The following DPYD variants were observed in gnomAD, a reference collection of about 807,000 sequenced individuals.
The protein encoded by DPYD is dihydropyrimidine dehydrogenase [NADP(+)].
A neutral mutation model predicts 116.2 loss-of-function variants in DPYD; 109 were observed. The ratio of observed to expected loss-of-function variants is 0.94; its 90% CI spans 0.80 to 1.10. DPYD has a LOEUF of 1.10. Ranked by LOEUF, DPYD falls within the 50% of genes least tolerant of loss-of-function variation. DPYD has a pLI of 0.00. For missense variants in DPYD, 1,302 were observed against 1,254.5 expected, an observed-to-expected ratio of 1.04 and a Z score of -0.57; for synonymous variants, 440 against 432.0, an observed-to-expected ratio of 1.02 and a Z score of -0.23.
At chr1:97,805,571 C>G (rs1668041159) in intron 3 of DPYD, among the ~76,000 whole-genome samples, 1 of 151,774 alleles carries the variant, frequency 6.6e-6, no homozygotes, top group Non-Finnish European at 1.5e-5. Context: ...ATTTCACCTT[C>G]TAGGCATAAT....
chr1:97,651,420 G>C (rs942030168), intron 8 of DPYD, among the ~76,000 whole-genome samples: 1 of 151,964 alleles, frequency 6.6e-6, no homozygotes, highest in Admixed American at 6.6e-5. Context: ...TACCTAAATC[G>C]GCAAGATACT....
rs1265459851 is a variant in DPYD, at chr1:97,713,046, C to G, written c.483+8464G>C. On this transcript the variant is annotated intron_variant, in intron 5 of 22. Transcript: ENST00000370192. The stretch of plus-strand genomic sequence containing the variant: ...AGGTATTTATATTTCTTTTTCAGTT[C>G]ACCTCTTAATTTTTTTTCTACTTTC... Among the ~76,000 whole-genome samples, 5 of 152,040 alleles carry G rather than the reference C, an allele frequency of 3.3e-5. No homozygotes were observed. The East Asian group carries it at 9.7e-4, about 29-fold the overall frequency.
intron 18 of DPYD, among the ~76,000 whole-genome samples, chr1:97,291,122 C>G (rs527388444): frequency 6.6e-6 from 1 of 152,312 alleles, no homozygotes; most frequent in South Asian, 2.1e-4. Flanking sequence ...AAATGCAAAT[C>G]AAAACCACAA....
intron 3 of DPYD, among the ~76,000 whole-genome samples, chr1:97,768,736 A>G (rs1483840263): frequency 6.6e-6 from 1 of 152,144 alleles, no homozygotes; most frequent in African/African-American, 2.4e-5. Context: ...AAACCCAAAA[A>G]TATTATTTCA....
rs573744638 is a variant in DPYD at position 97,162,629 on chromosome 1, A to T, written c.2622+30440T>A. Among the ~76,000 whole-genome samples, 473 of 151,744 alleles carry T rather than the reference A, an allele frequency of 3.1e-3. 5 individuals are homozygous for T. The highest frequency in any genetic ancestry group is 0.011 in the African/African-American group (456 of 41,306). ...TTTCTTCACAGAATTGGAAAAAACT[A>T]CTTTAAAGTTCATATGGAACCAAAA... On this transcript the variant is annotated intron_variant, in intron 20 of 22. Transcript: ENST00000370192.
At chr1:97,386,365 A>G (rs886683987) in intron 14 of DPYD, among the ~76,000 whole-genome samples, 1 of 151,562 alleles carries the variant, frequency 6.6e-6, no homozygotes, top group Non-Finnish European at 1.5e-5. Context: ...TCATTTAACC[A>G]CTTTCCAATC....
intron 20 of DPYD, among the ~76,000 whole-genome samples, chr1:97,137,389 A>G (rs894254209): frequency 1.1e-4 from 16 of 152,352 alleles, no homozygotes; most frequent in African/African-American, 3.8e-4. Context: ...TTGGGTAGTA[A>G]TGTAATTCTT....
At chr1:97,852,888 A>G (rs1670641272) in intron 2 of DPYD, among the ~76,000 whole-genome samples, 1 of 152,224 alleles carries the variant, frequency 6.6e-6, no homozygotes, top group African/African-American at 2.4e-5. Context: ...AAGCTACTTT[A>G]GCAAGACTTA....
At chr1:97,664,332 A>ATG (rs1319662968) in intron 8 of DPYD, among the ~76,000 whole-genome samples, 1 of 151,542 alleles carries the variant, frequency 6.6e-6, no homozygotes, top group African/African-American at 2.4e-5. Context: ...ATATGTGTGT[A>ATG]TGTGTGTGTA....
intron 11 of DPYD, among the ~76,000 whole-genome samples, chr1:97,552,322 T>A (rs996326203): frequency 1.3e-5 from 2 of 152,158 alleles, no homozygotes; most frequent in African/African-American, 4.8e-5. Flanking sequence ...TCTTGAAGAA[T>A]GTGCTTTACC....
chr1:97,519,136 A>C (rs1055885088), intron 12 of DPYD, among the ~76,000 whole-genome samples: 1 of 152,128 alleles, frequency 6.6e-6, no homozygotes, highest in African/African-American at 2.4e-5. Flanking sequence ...TTTAAAAGCC[A>C]TGTGTGTTAG....
chr1:97,135,592 G>T (rs1040728319), intron 20 of DPYD, among the ~76,000 whole-genome samples: 1 of 152,122 alleles, frequency 6.6e-6, no homozygotes, highest in Non-Finnish European at 1.5e-5. Context: ...TAAAAGACAT[G>T]TAGGAACATG....
chr1:97,367,071 G>A (rs1005791249), intron 16 of DPYD, among the ~76,000 whole-genome samples: 10 of 152,104 alleles, frequency 6.6e-5, no homozygotes, highest in African/African-American at 2.4e-4. Flanking sequence ...ATGAGATAGA[G>A]GGTCTGCTAA....
intron 8 of DPYD, among the ~76,000 whole-genome samples, chr1:97,641,185 C>T (rs772329581): frequency 1.3e-5 from 2 of 152,068 alleles, no homozygotes; most frequent in Non-Finnish European, 2.9e-5. Flanking sequence ...GGGGGATGAA[C>T]GCCTAATCTA....
intron 20 of DPYD, among the ~76,000 whole-genome samples, chr1:97,186,365 C>A (rs1241355018): frequency 6.6e-6 from 1 of 152,060 alleles, no homozygotes; most frequent in Non-Finnish European, 1.5e-5. Context: ...ACCCGTTAAG[C>A]AATTCCTCAT....
intron 16 of DPYD, among the ~76,000 whole-genome samples, chr1:97,335,684 C>T (rs891272026): frequency 6.6e-6 from 1 of 152,150 alleles, no homozygotes; most frequent in Non-Finnish European, 1.5e-5. Flanking sequence ...TCTGCATTAC[C>T]TTTTCCACTC....
At chr1:97,701,373 A>G (rs1661590195) in intron 5 of DPYD, among the ~76,000 whole-genome samples, 1 of 151,652 alleles carries the variant, frequency 6.6e-6, no homozygotes, top group South Asian at 2.1e-4. Context: ...AAAGTAAAAT[A>G]AATAAATCAC....
At chr1:97,081,268 A>G (rs191629892) in intron 22 of DPYD, among the ~76,000 whole-genome samples, 3 of 152,234 alleles carry the variant, frequency 2.0e-5, no homozygotes. Context: ...ACATTTTATT[A>G]TGAATTTAGA....
intron 8 of DPYD, among the ~76,000 whole-genome samples, chr1:97,620,838 T>A (rs1656590621): frequency 6.6e-6 from 1 of 152,118 alleles, no homozygotes; most frequent in African/African-American, 2.4e-5. Context: ...TTTTTTAATT[T>A]AAAAAATCAG....
Sources: gnomAD v4.1 joint callset for allele counts (sites outside exome capture counted in the v4.1 genomes callset) on GRCh38, gnomAD v4.1.1 for gene constraint, MANE v1.5 for transcripts, NCBI Gene and HGNC (gene_info 2026-07-23, HGNC 2026-07-21) for gene names.